The following TACC2 variants were observed in gnomAD, a reference collection of about 807,000 sequenced individuals.
The protein encoded by TACC2 is transforming acidic coiled-coil-containing protein 2.
In TACC2, 137 loss-of-function variants were observed where a neutral mutation model predicts 227.3. The observed-to-expected ratio is 0.60, with a 90% CI of 0.52 to 0.69. The LOEUF (loss-of-function observed/expected upper bound fraction) is 0.69. TACC2 is among the 30% of genes least tolerant of loss of function. The probability of loss-of-function intolerance (pLI) is 0.00; values close to 1 mark genes in which losing one functional copy is unlikely to be tolerated. For missense variants in TACC2, 3,470 were observed against 3,694.4 expected (o/e 0.94, Z 1.57); for synonymous variants, 1,523 against 1,487.5 (o/e 1.02, Z -0.55).
chr10:122,130,220 T>G (rs1320752345), intron 5 of TACC2, among the ~76,000 whole-genome samples: 2 of 152,130 alleles, frequency 1.3e-5, no homozygotes, highest in Non-Finnish European at 2.9e-5. Context: ...GGTCTTGAAC[T>G]CCTGACCTCA....
chr10:122,169,242 T>A (rs193032994), intron 7 of TACC2, among the ~76,000 whole-genome samples: 1 of 152,152 alleles, frequency 6.6e-6, no homozygotes, highest in East Asian at 1.9e-4. Context: ...AAGCCAGGAG[T>A]GAAAAGCCCA....
chr10:122,057,883 C>T (rs2076371267), intron 3 of TACC2, among the ~76,000 whole-genome samples: 5 of 152,086 alleles, frequency 3.3e-5, no homozygotes, highest in Non-Finnish European at 7.4e-5. Flanking sequence ...GGTCAGACAA[C>T]CTTCCCGTAC....
intron 5 of TACC2, among the ~76,000 whole-genome samples, chr10:122,112,644 C>T (rs566240891): frequency 6.6e-3 from 97 of 14,806 alleles, no homozygotes; most frequent in Non-Finnish European, 0.044. Context: ...GCCGCCTGGC[C>T]GGTACTTGAC....
chr10:122,155,826 T>C (rs939707438), intron 7 of TACC2, among the ~76,000 whole-genome samples: 1 of 140,004 alleles, frequency 7.1e-6, no homozygotes, highest in Non-Finnish European at 1.5e-5. Context: ...TGGTTAATAG[T>C]GGGAAAATTT....
chr10:122,125,232 G>T (rs2086606638), intron 5 of TACC2, among the ~76,000 whole-genome samples: 1 of 151,988 alleles, frequency 6.6e-6, no homozygotes, highest in African/African-American at 2.4e-5. Context: ...TCTCACTTTT[G>T]TTGCTCAGGC....
At chr10:122,167,271 C>T (rs983089059) in intron 7 of TACC2, among the ~76,000 whole-genome samples, 3 of 152,080 alleles carry the variant, frequency 2.0e-5, no homozygotes, top group African/African-American at 2.4e-5. Flanking sequence ...ACCTGTGGAT[C>T]GAAGTAGAGG....
intron 7 of TACC2, chr10:122,192,908 G>T: frequency 2.6e-6 from 1 of 388,234 alleles, no homozygotes; most frequent in South Asian, 1.8e-5. Context: ...CCCAGGGCTC[G>T]CCAGGCTGAT....
At chr10:122,167,522 G>C (rs2093241853) in intron 7 of TACC2, among the ~76,000 whole-genome samples, 1 of 152,256 alleles carries the variant, frequency 6.6e-6, no homozygotes, top group African/African-American at 2.4e-5. Flanking sequence ...TGTAGCTGGA[G>C]AGAGGCCAGG....
chr10:122,247,425 A>C (rs1397108694), intron 19 of TACC2: 2 of 151,452 alleles, frequency 1.3e-5, no homozygotes, highest in Non-Finnish European at 2.9e-5. Context: ...TCCCTTCCCC[A>C]CTCTGCTGTC....
chr10:122,217,248 T>C (rs1457235135), intron 11 of TACC2, among the ~76,000 whole-genome samples: 1 of 152,064 alleles, frequency 6.6e-6, no homozygotes. Flanking sequence ...GGCCCCATAC[T>C]GTGTTCAGAC....
At chr10:122,140,601 C>G (rs6585794) in intron 6 of TACC2, among the ~76,000 whole-genome samples, 87,950 of 152,138 alleles carry the variant, frequency 0.58, 25,964 homozygotes, top group Non-Finnish European at 0.65. Context: ...GTGCCCTGCT[C>G]TCTCTGGGCT....
At chr10:122,099,324 AC>A (rs2081877847) in intron 5 of TACC2, among the ~76,000 whole-genome samples, 1 of 152,130 alleles carries the variant, frequency 6.6e-6, no homozygotes, top group South Asian at 2.1e-4. Flanking sequence ...TTAAGTCTCA[AC>A]CCCAGACCAG....
intron 7 of TACC2, among the ~76,000 whole-genome samples, chr10:122,178,389 A>C (rs965985175): frequency 1.3e-5 from 2 of 151,050 alleles, no homozygotes; most frequent in Non-Finnish European, 2.9e-5. Context: ...GGCACACACC[A>C]CCACACGTGG....
At chr10:122,017,678 G>A (rs1473781880) in intron 1 of TACC2, among the ~76,000 whole-genome samples, 2 of 151,766 alleles carry the variant, frequency 1.3e-5, no homozygotes, top group Non-Finnish European at 2.9e-5. Flanking sequence ...TTAGTCTGGC[G>A]TGGTGGTGGG....
chr10:122,158,400 AAAAAAC>A (rs1365913419), intron 7 of TACC2, among the ~76,000 whole-genome samples: 1 of 152,096 alleles, frequency 6.6e-6, no homozygotes, highest in South Asian at 2.1e-4. Flanking sequence ...ATCTCAAAAA[AAAAAAC>A]AAAAACAAAA....
At chr10:122,195,387 A>AG (rs112676574) in intron 8 of TACC2, among the ~76,000 whole-genome samples, 3,768 of 152,192 alleles carry the variant, frequency 0.025, 134 homozygotes, top group African/African-American at 0.084. Flanking sequence ...GCAGAATTTT[A>AG]GGGGGGGCCT....
chr10:122,096,387 G>A (rs2081401411), intron 5 of TACC2, among the ~76,000 whole-genome samples: 5 of 152,156 alleles, frequency 3.3e-5, no homozygotes, highest in Admixed American at 2.0e-4. Flanking sequence ...ACCCCCCGGT[G>A]GCCACACCTA....
chr10:122,012,418 C>CAAAAAAAAAAAAAAAAAAA lies in TACC2; in HGVS notation c.-45-9516_-45-9498dup, dbSNP rs752342348. Reference sequence around the variant, plus strand: ...CTGGTGCCAGAGCAAGACTCCGTCTCAAAAAAAAAAAAAAAAAAAAAGATG... The same window carrying CAAAAAAAAAAAAAAAAAAA: ...CTGGTGCCAGAGCAAGACTCCGTCTCAAAAAAAAAAAAAAAAAAAAAAAAAAAAAAAAAAAAAAAAGATG... On this transcript the variant is annotated intron_variant, in intron 1 of 22. Transcript: ENST00000369005. 2.9e-3 allele frequency among the ~76,000 whole-genome samples: 178 copies of CAAAAAAAAAAAAAAAAAAA among 60,694 alleles called. 6 individuals are homozygous for CAAAAAAAAAAAAAAAAAAA. Among genetic ancestry groups the CAAAAAAAAAAAAAAAAAAA allele is most frequent in the East Asian group, 0.011 (18 of 1,680 alleles). 39.8% of individuals were successfully genotyped at this position (60,694 alleles called of 152,430 possible).
chr10:122,204,018 T>C (rs11200476), intron 8 of TACC2, among the ~76,000 whole-genome samples: 93,856 of 149,194 alleles, frequency 0.63, 30,292 homozygotes, highest in East Asian at 0.84. Context: ...ACCAGTCAGG[T>C]GTGGCGGCGC....
Sources: gnomAD v4.1 joint callset for allele counts (sites outside exome capture counted in the v4.1 genomes callset) on GRCh38, gnomAD v4.1.1 for gene constraint, MANE v1.5 for transcripts, NCBI Gene and HGNC (gene_info 2026-07-23, HGNC 2026-07-21) for gene names.